PLA2G4D: variants seen among roughly 807,000 people sequenced by gnomAD.
PLA2G4D encodes phospholipase A2 group IVD, also known as cytosolic phospholipase A2 delta.
Under a neutral mutation model 94.4 loss-of-function variants are expected in PLA2G4D, and 80 were observed. That is an observed-to-expected ratio of 0.85 (90% CI 0.71 to 1.02). PLA2G4D has a LOEUF of 1.02. Among genes scored for constraint, PLA2G4D ranks in the 50% least tolerant of loss-of-function variants. PLA2G4D has a pLI of 0.00. For synonymous variants in PLA2G4D, 438 were observed against 440.9 expected (o/e 0.99, Z 0.08); for missense variants, 1,050 against 1,034.7 (o/e 1.01, Z -0.20).
Position 42,081,536 on chromosome 15 carries a change from C to A in PLA2G4D, c.900G>T (p.Val300=), listed in dbSNP as rs1422668074. The change falls in exon 11 of 20, where the codon GTG becomes GTT. Residue 300 remains valine (V), a synonymous_variant. Transcript: ENST00000290472. ...GGGCCTGCTTCAGGGCCTTGGCCAC[C>A]ACCTGCTTCCTCCTGCTCAGGAAGG... is the stretch of plus-strand genomic sequence containing the variant. ...EQAFLSRRKQ[V]VAKALKQALQ... 1 of 1,614,192 alleles carries A rather than the reference C, an allele frequency of 6.2e-7. No homozygotes were observed. The highest frequency in any genetic ancestry group is 8.5e-7 in the Non-Finnish European group (1 of 1,180,036).
chr15:42,087,367 G>C lies in PLA2G4D; in HGVS notation c.188C>G (p.Thr63Arg). 1 of 1,614,162 alleles carries C rather than the reference G, an allele frequency of 6.2e-7. No homozygotes were observed. Among genetic ancestry groups the C allele is most frequent in the Non-Finnish European group, 8.5e-7 (1 of 1,180,024 alleles). The change falls in exon 3 of 20, where the codon ACG becomes AGG. Residue 63 changes from threonine to arginine, a missense_variant. Transcript: ENST00000290472. ...TAPGMKFKTKTLTDTSHPVWN... is the reference protein window; with the variant it reads ...TAPGMKFKTKRLTDTSHPVWN... ...CACAGGATGACTGGTGTCGGTGAGCGTCTTGGTCTTAAACTTCATTCCAGG... is the reference window on the plus strand; with the variant it reads ...CACAGGATGACTGGTGTCGGTGAGCCTCTTGGTCTTAAACTTCATTCCAGG...
chr15:42,077,739 A>AT (rs1403498980), intron 13 of PLA2G4D, among the ~76,000 whole-genome samples: 1 of 152,212 alleles, frequency 6.6e-6, no homozygotes, highest in African/African-American at 2.4e-5. Flanking sequence ...GTATCCAGAG[A>AT]TTTTTACTCC....
In PLA2G4D at chr15:42,070,099, G is replaced by A. The variant is rs940957288; in HGVS notation, c.2044-4C>T. On this transcript the variant is annotated splice_polypyrimidine_tract_variant and splice_region_variant and intron_variant, in intron 18 of 19. Transcript: ENST00000290472. ...ACAGCTCCGTCTGCTGCAGTGCCTG[G>A]TGGGGAGAAGGTGGCCCGGAGAGAA... 5 of 1,501,870 alleles carry A rather than the reference G, an allele frequency of 3.3e-6. No homozygotes were observed. The highest frequency in any genetic ancestry group is 4.4e-6 in the Non-Finnish European group (5 of 1,128,666). The allele number at this position is 1,501,870 out of a possible 1,614,324, so 93.0% of individuals were successfully genotyped here. A position where few individuals can be genotyped will look rare whatever the true frequency, so the allele number is the denominator to read the frequency against.
intron 18 of PLA2G4D, 148 bp downstream of exon 18, chr15:42,070,569 C>T: frequency 1.9e-6 from 2 of 1,048,030 alleles, no homozygotes; most frequent in Admixed American, 5.7e-5. Context: ...ACCTAAGGAC[C>T]CTGGCAGGAG....
chr15:42,091,393 A>T (rs1341103513), intron 1 of PLA2G4D, among the ~76,000 whole-genome samples: 1 of 152,248 alleles, frequency 6.6e-6, no homozygotes, highest in Non-Finnish European at 1.5e-5. Context: ...GAGGGGACAC[A>T]GTGAGAAGTG....
intron 7 of PLA2G4D, 70 bp from the exon 8 acceptor site, chr15:42,083,404 G>C (rs773970511): frequency 9.1e-6 from 14 of 1,545,188 alleles, no homozygotes; most frequent in Non-Finnish European, 1.2e-5. Flanking sequence ...TGGGACAGCA[G>C]CACCACCACC....
rs552775223 is a variant in PLA2G4D, at chr15:42,079,017, G to GC, written c.1317+519_1317+520insG. Among the ~76,000 whole-genome samples, 13 of 152,256 alleles carry GC rather than the reference G, an allele frequency of 8.5e-5. No individual in the cohort carries two copies. The East Asian group carries it at 2.5e-3, about 29-fold the overall frequency. On this transcript the variant is annotated intron_variant, in intron 13 of 19. Transcript: ENST00000290472. ...GCTGACATTTAATGCTTATTCTATG[G>GC]TGAGGTATCACTGAGTATTCAGAAC...
At chr15:42,082,492 G>A in intron 8 of PLA2G4D, 103 bp from the exon 9 acceptor site, 1 of 668,224 alleles carries the variant, frequency 1.5e-6, no homozygotes, top group Non-Finnish European at 2.6e-6. Context: ...TGATAATACA[G>A]AATATTATAA....
rs751824171 is a variant in PLA2G4D at position 42,087,290 on chromosome 15, G to A, written c.255+10C>T. ...TCACAAGGGAGTGGCCAGGAGTCCC[G>A]GGCCTTCACCTTGACCTGACTTTGG... On this transcript the variant is annotated intron_variant, in intron 3 of 19. Coordinates refer to ENST00000290472, the MANE Select transcript of PLA2G4D (RefSeq NM_178034.4). The A allele has an allele frequency of 2.0e-5, 32 of 1,613,896 alleles. No individual in the cohort carries two copies. The highest frequency in any genetic ancestry group is 2.5e-5 in the Non-Finnish European group (30 of 1,179,890).
chr15:42,072,043 G>T, intron 14 of PLA2G4D, 132 bp from the exon 15 acceptor site: 1 of 1,260,548 alleles, frequency 7.9e-7, no homozygotes, highest in Non-Finnish European at 1.1e-6. Flanking sequence ...TGCAGCAGAT[G>T]TGAGGAATGG....
intron 13 of PLA2G4D, among the ~76,000 whole-genome samples, chr15:42,078,911 C>T (rs535094251): frequency 2.4e-4 from 37 of 152,326 alleles, no homozygotes; most frequent in African/African-American, 8.7e-4. Flanking sequence ...TAAGCTTTCT[C>T]TCAAGCAGCA....
In PLA2G4D at chr15:42,086,194, T is replaced by TCCCCCCCCCCCCCCCCC; in HGVS notation, c.387+18_387+19insGGGGGGGGGGGGGGGGG. On this transcript the variant is annotated intron_variant, in intron 4 of 19. Coordinates refer to ENST00000290472, the MANE Select transcript of PLA2G4D (RefSeq NM_178034.4). The stretch of plus-strand genomic sequence containing the variant: ...GGAAGAAGTGGGGCCCACGGGGACT[T>TCCCCCCCCCCCCCCCCC]CCCCACCCACCCACCCACCTGGGGA... 1 of 1,370,444 alleles carries TCCCCCCCCCCCCCCCCC rather than the reference T, an allele frequency of 7.3e-7. No individual in the cohort carries two copies. The highest frequency in any genetic ancestry group is 1.5e-5 in the South Asian group (1 of 66,866). The allele number at this position is 1,370,444 out of a possible 1,614,324, so 84.9% of individuals were successfully genotyped here.
chr15:42,068,941 C>T lies in PLA2G4D; in HGVS notation c.2231G>A (p.Gly744Asp), dbSNP rs1361214165. ...NASFKDHSAPGVQRSPAELQG... is the reference protein window; with the variant it reads ...NASFKDHSAPDVQRSPAELQG... ...GAGCTCTGCGGGGCTGCGCTGGACA[C>T]CTGCCCAGGGGTAGGAGGGGTGTCA... The change falls in exon 20 of 20, where the codon GGT becomes GAT. Residue 744 changes from glycine (G) to aspartate (D), a missense_variant and splice_region_variant. Physicochemically the swap from Gly to Asp is moderately conservative, Grantham distance 94 (BLOSUM62 -1). Transcript: ENST00000290472. 6.2e-7 allele frequency: 1 copy of T among 1,607,922 alleles called. No individual in the cohort carries two copies.
chr15:42,082,081 G>A (rs1006437039), intron 9 of PLA2G4D, among the ~76,000 whole-genome samples, 198 bp downstream of exon 9: 5 of 152,006 alleles, frequency 3.3e-5, no homozygotes, highest in Admixed American at 6.6e-5. Context: ...ACAGGTGTGC[G>A]CCACCACACC....
rs1322696056 is a variant in PLA2G4D at position 42,072,362 on chromosome 15, C to G, written c.1348G>C (p.Ala450Pro). The G allele has an allele frequency of 6.2e-7, 1 of 1,613,208 alleles. No individual in the cohort carries two copies. The highest frequency in any genetic ancestry group is 8.5e-7 in the Non-Finnish European group (1 of 1,179,974). The change falls in exon 14 of 20, where the codon GCC becomes CCC. Residue 450 changes from alanine to proline, a missense_variant. Physicochemically the swap from Ala to Pro is conservative, Grantham distance 27. Transcript: ENST00000290472. ...GGGTTCTGACCCCGTTCCAGGGCGGCTCTCTGTCCTGACAGCTTCTGATCC... is the reference window on the plus strand; with the variant it reads ...GGGTTCTGACCCCGTTCCAGGGCGGGTCTCTGTCCTGACAGCTTCTGATCC... ...VMDQKLSGQR[A>P]ALERGQNPLP... is the part of the protein sequence containing the mutation.
intron 1 of PLA2G4D, among the ~76,000 whole-genome samples, chr15:42,091,535 A>G (rs1216912192): frequency 6.6e-6 from 1 of 152,196 alleles, no homozygotes; most frequent in African/African-American, 2.4e-5. Context: ...GCGGTAGCGA[A>G]AAGTGTCAAG....
Position 42,086,194 on chromosome 15 carries a change from T to TCACCCCC in PLA2G4D, c.387+18_387+19insGGGGGTG. ...GGAAGAAGTGGGGCCCACGGGGACTTCCCCACCCACCCACCCACCTGGGGA... is the reference window on the plus strand; with the variant it reads ...GGAAGAAGTGGGGCCCACGGGGACTTCACCCCCCCCCACCCACCCACCCACCTGGGGA... On this transcript the variant is annotated intron_variant, in intron 4 of 19. Coordinates refer to ENST00000290472, the MANE Select transcript of PLA2G4D (RefSeq NM_178034.4). The TCACCCCC allele has an allele frequency of 7.3e-7, 1 of 1,370,444 alleles. No homozygotes were observed. Among genetic ancestry groups the TCACCCCC allele is most frequent in the Non-Finnish European group, 9.6e-7 (1 of 1,043,084 alleles). The allele number at this position is 1,370,444 out of a possible 1,614,324, so 84.9% of individuals were successfully genotyped here. A position where few individuals can be genotyped will look rare whatever the true frequency, so the allele number is the denominator to read the frequency against.
At position 42,070,823 on chromosome 15, in the gene PLA2G4D, AC is replaced by A; in HGVS notation, c.1936del (p.Val646TrpfsTer126). 6.2e-7 allele frequency: 1 copy of A among 1,611,110 alleles called. No individual in the cohort carries two copies. Among genetic ancestry groups the A allele is most frequent in the Non-Finnish European group, 8.5e-7 (1 of 1,178,790 alleles). On this transcript the variant is annotated frameshift_variant, in exon 18 of 20. Coordinates refer to ENST00000290472, the MANE Select transcript of PLA2G4D (RefSeq NM_178034.4). LOFTEE classifies it high-confidence loss of function. ...GGTGTTGATGAAGTAGGCGGCGTCC[AC>A]CAGGCAGAGCCGGGGCTCCTTGGGG... ...LTPKEPRLCL[V>X]DAAYFINTSS...
At position 42,069,889 on chromosome 15, in the gene PLA2G4D, C is replaced by G. The variant is rs1038463244; in HGVS notation, c.2230+20G>C. 7.2e-7 allele frequency: 1 copy of G among 1,397,076 alleles called. No individual in the cohort carries two copies. Among genetic ancestry groups the G allele is most frequent in the Non-Finnish European group, 9.3e-7 (1 of 1,075,328 alleles). 86.5% of individuals were successfully genotyped at this position (1,397,076 alleles called of 1,614,324 possible). ...TCTGAGGGGCCAGGCAGCCTGGGTG[C>G]TTGGGAGGGGCTGCCTCACCGGGGG... On this transcript the variant is annotated intron_variant, in intron 19 of 19. Coordinates refer to ENST00000290472, the MANE Select transcript of PLA2G4D (RefSeq NM_178034.4).
Sources: gnomAD v4.1 joint callset for allele counts (sites outside exome capture counted in the v4.1 genomes callset) on GRCh38, gnomAD v4.1.1 for gene constraint, MANE v1.5 for transcripts, NCBI Gene and HGNC (gene_info 2026-07-23, HGNC 2026-07-21) for gene names.